Variants in GTF2F2 observed in about 807,000 individuals in gnomAD.
GTF2F2 encodes general transcription factor IIF subunit 2.
In GTF2F2, 23 loss-of-function variants were observed where a neutral mutation model predicts 42.2. That is an observed-to-expected ratio of 0.55 (90% CI 0.39 to 0.77). GTF2F2 has a LOEUF of 0.77. GTF2F2 is among the 30% of genes least tolerant of loss of function. The pLI, the probability that GTF2F2 is intolerant of heterozygous loss-of-function variation, is 0.00. For synonymous variants in GTF2F2, 105 were observed against 100.8 expected, an observed-to-expected ratio of 1.04 and a Z score of -0.25; for missense variants, 261 against 287.2, an observed-to-expected ratio of 0.91 and a Z score of 0.66.
At chr13:45,244,861 G>A (rs7997359) in intron 5 of GTF2F2, among the ~76,000 whole-genome samples, 4,368 of 152,110 alleles carry the variant, frequency 0.029, 189 homozygotes, top group African/African-American at 0.093. Flanking sequence ...TAGTAGAAAC[G>A]GAGTTTCATC....
At chr13:45,174,506 T>G (rs1487775195) in intron 4 of GTF2F2, among the ~76,000 whole-genome samples, 3 of 152,144 alleles carry the variant, frequency 2.0e-5, no homozygotes, top group African/African-American at 7.2e-5. Context: ...CTTTTATAAT[T>G]TTAGCATTTA....
At chr13:45,245,801 C>T (rs1338439148) in intron 5 of GTF2F2, among the ~76,000 whole-genome samples, 11 of 146,072 alleles carry the variant, frequency 7.5e-5, no homozygotes, top group African/African-American at 2.2e-4. Flanking sequence ...ATTAGCCGGG[C>T]GTGGTGGCAG....
At chr13:45,176,416 T>TA (rs1871880236) in intron 4 of GTF2F2, among the ~76,000 whole-genome samples, 1 of 152,238 alleles carries the variant, frequency 6.6e-6, no homozygotes, top group South Asian at 2.1e-4. Flanking sequence ...GTTACCCTTG[T>TA]GTTTATTTTA....
intron 5 of GTF2F2, among the ~76,000 whole-genome samples, chr13:45,209,909 A>G (rs1382838797): frequency 6.6e-6 from 1 of 152,114 alleles, no homozygotes; most frequent in Non-Finnish European, 1.5e-5. Flanking sequence ...CTCACACCCC[A>G]CATCCAATGT....
intron 5 of GTF2F2, among the ~76,000 whole-genome samples, chr13:45,221,285 T>C (rs1164825632): frequency 1.3e-5 from 2 of 152,148 alleles, no homozygotes; most frequent in East Asian, 3.8e-4. Flanking sequence ...GTCCTGTTAG[T>C]TGTACCAACA....
chr13:45,161,706 G>A (rs1235480716), intron 4 of GTF2F2, among the ~76,000 whole-genome samples: 1 of 152,132 alleles, frequency 6.6e-6, no homozygotes, highest in Admixed American at 6.5e-5. Context: ...AGCCAGCTGT[G>A]GTGGTGAGTG....
chr13:45,156,283 A>G (rs1870751927), intron 4 of GTF2F2, among the ~76,000 whole-genome samples: 1 of 152,242 alleles, frequency 6.6e-6, no homozygotes, highest in Admixed American at 6.5e-5. Flanking sequence ...GGAAAAAAGC[A>G]TGTGTACTTT....
At chr13:45,262,882 C>T (rs1876403290) in intron 6 of GTF2F2, among the ~76,000 whole-genome samples, 1 of 151,948 alleles carries the variant, frequency 6.6e-6, no homozygotes, top group African/African-American at 2.4e-5. Context: ...GTGGCTGGGA[C>T]TACAGGCTCG....
intron 7 of GTF2F2, among the ~76,000 whole-genome samples, chr13:45,282,146 C>T (rs1170108053): frequency 2.0e-5 from 3 of 151,884 alleles, no homozygotes; most frequent in Admixed American, 6.6e-5. Flanking sequence ...TGCAGAGAGC[C>T]GAGATCATGC....
chr13:45,236,224 A>C (rs917360283), intron 5 of GTF2F2, among the ~76,000 whole-genome samples: 1 of 152,198 alleles, frequency 6.6e-6, no homozygotes, highest in African/African-American at 2.4e-5. Flanking sequence ...TGAGTCATAC[A>C]TACCATCATG....
chr13:45,120,830 C>T, intron 1 of GTF2F2, 109 bp downstream of exon 1: 2 of 746,132 alleles, frequency 2.7e-6, no homozygotes. Context: ...ACGGCTATCT[C>T]GTTAGAGCTT....
At chr13:45,271,799 G>A (rs562159707) in intron 7 of GTF2F2, among the ~76,000 whole-genome samples, 39 of 152,162 alleles carry the variant, frequency 2.6e-4, no homozygotes, top group Admixed American at 1.3e-3. Context: ...TGATCTGCCC[G>A]TCAGACAGGC....
At chr13:45,220,748 T>A (rs1874073571) in intron 5 of GTF2F2, 1 of 152,210 alleles carries the variant, frequency 6.6e-6, no homozygotes, top group Non-Finnish European at 1.5e-5. Context: ...AGACTTGATC[T>A]AGTAAGAGTC....
intron 2 of GTF2F2, among the ~76,000 whole-genome samples, chr13:45,142,591 C>T (rs1169749961): frequency 1.3e-5 from 2 of 152,162 alleles, no homozygotes; most frequent in Non-Finnish European, 2.9e-5. Context: ...AGATTTTCTA[C>T]CTAACGTAAC....
At chr13:45,264,147 A>G (rs142320284) in intron 6 of GTF2F2, among the ~76,000 whole-genome samples, 44 of 152,248 alleles carry the variant, frequency 2.9e-4, no homozygotes, top group African/African-American at 9.6e-4. Context: ...TATACATGTT[A>G]ACACAGAAAG....
intron 6 of GTF2F2, among the ~76,000 whole-genome samples, chr13:45,260,704 T>A (rs559999172): frequency 6.4e-4 from 98 of 152,316 alleles, no homozygotes; most frequent in Non-Finnish European, 1.2e-3. Context: ...CCACAAAGGA[T>A]TGTCAACATT....
At chr13:45,221,810 C>G (rs1477425944) in intron 5 of GTF2F2, among the ~76,000 whole-genome samples, 2 of 152,102 alleles carry the variant, frequency 1.3e-5, no homozygotes, top group African/African-American at 4.8e-5. Context: ...TTAACCTCTT[C>G]TTCCACTACA....
chr13:45,199,277 A>G (rs1282249879), intron 4 of GTF2F2, among the ~76,000 whole-genome samples: 1 of 152,240 alleles, frequency 6.6e-6, no homozygotes, highest in Non-Finnish European at 1.5e-5. Flanking sequence ...TTTGAGGAGT[A>G]TAGAAAAACA....
intron 5 of GTF2F2, among the ~76,000 whole-genome samples, chr13:45,210,029 C>T (rs770523303): frequency 6.6e-6 from 1 of 152,162 alleles, no homozygotes; most frequent in Non-Finnish European, 1.5e-5. Flanking sequence ...AGCCTCCTAC[C>T]AGAGTTCCTG....
Sources: allele counts gnomAD v4.1 joint callset (sites outside exome capture counted in the v4.1 genomes callset), GRCh38; gene constraint gnomAD v4.1.1; transcripts MANE v1.5; gene names NCBI Gene and HGNC (gene_info 2026-07-23, HGNC 2026-07-21).